The following CDK11B variants were observed in gnomAD, a reference collection of about 807,000 sequenced individuals.
The protein encoded by CDK11B is cyclin dependent kinase 11B, also known as cyclin-dependent kinase 11B.
In CDK11B, 37 loss-of-function variants were observed where a neutral mutation model predicts 84.0. The observed-to-expected ratio is 0.44, with a 90% CI of 0.34 to 0.58. CDK11B has a LOEUF of 0.58. Ranked by LOEUF, CDK11B falls within the 20% of genes least tolerant of loss-of-function variation. CDK11B has a pLI of 0.02. For synonymous variants in CDK11B, 269 were observed against 309.8 expected (o/e 0.87, Z 1.38); for missense variants, 427 against 834.0 (o/e 0.51, Z 6.01).
In CDK11B at chr1:1,652,553, C is replaced by A; in HGVS notation, c.241G>T (p.Asp81Tyr). The change falls in exon 4 of 20, where the codon GAT becomes TAT. Residue 81 changes from aspartate (D) to tyrosine (Y), a missense_variant. Transcript: ENST00000341832. ...DSMEDRGEEDDSLAIKPPQQM... is the reference protein window; with the variant it reads ...DSMEDRGEEDYSLAIKPPQQM... Reference sequence around the variant, plus strand: ...TGGGGTGGTTTGATGGCCAAAGAATCATCTTCTTCTCCTCTGAAATAAAAC... The same window carrying A: ...TGGGGTGGTTTGATGGCCAAAGAATAATCTTCTTCTCCTCTGAAATAAAAC... 6.8e-7 allele frequency: 1 copy of A among 1,473,374 alleles called. No individual in the cohort carries two copies. Among genetic ancestry groups the A allele is most frequent in the Non-Finnish European group, 8.9e-7 (1 of 1,119,240 alleles). The allele number at this position is 1,473,374 out of a possible 1,614,324, so 91.3% of individuals were successfully genotyped here.
intron 16 of CDK11B, 40 bp from the exon 17 acceptor site, chr1:1,636,838 G>T: frequency 6.2e-7 from 1 of 1,613,140 alleles, no homozygotes; most frequent in Non-Finnish European, 8.5e-7. Context: ...GCCAGTGCCC[G>T]CGAAGCTGTG....
chr1:1,656,517 A>T (rs1266447323), intron 2 of CDK11B, among the ~76,000 whole-genome samples: 1 of 150,776 alleles, frequency 6.6e-6, no homozygotes, highest in African/African-American at 2.4e-5. Flanking sequence ...CCGGGCGCGG[A>T]GGCTCATGCC....
intron 10 of CDK11B, 129 bp downstream of exon 10, chr1:1,640,919 G>A (rs574063431): frequency 5.5e-6 from 7 of 1,262,308 alleles, no homozygotes; most frequent in South Asian, 3.0e-5. Context: ...AGCCTGGAGC[G>A]GCCAACGAAT....
chr1:1,658,881 C>T (rs548688445), intron 1 of CDK11B, 33 bp downstream of exon 1: 58 of 163,368 alleles, frequency 3.6e-4, no homozygotes, highest in Admixed American at 9.7e-4. Flanking sequence ...TCTCCTCGCG[C>T]TCCCACACCT....
intron 3 of CDK11B, among the ~76,000 whole-genome samples, chr1:1,653,843 C>CAT (rs1642351141): frequency 6.7e-6 from 1 of 149,070 alleles, no homozygotes; most frequent in African/African-American, 2.5e-5. Context: ...CACACACACA[C>CAT]ACACACACAC....
Position 1,637,889 on chromosome 1 carries a change from A to G in CDK11B, c.1343-6T>C. The G allele has an allele frequency of 6.2e-7, 1 of 1,613,474 alleles. No homozygotes were observed. The highest frequency in any genetic ancestry group is 1.1e-5 in the South Asian group (1 of 91,066). On this transcript the variant is annotated splice_region_variant and splice_polypyrimidine_tract_variant and intron_variant, in intron 12 of 19. Coordinates refer to ENST00000341832, the MANE Select transcript of CDK11B (RefSeq NM_033486.3). ...CTTTAGAGCCACAATTTCATCTGTG[A>G]AGAAAATACAGACGGCACTGAGAGG...
rs17424311 is a variant in CDK11B, at chr1:1,636,691, C to G, written c.1908G>C (p.Lys636Asn). 1 of 1,613,766 alleles carries G rather than the reference C, an allele frequency of 6.2e-7. No homozygotes were observed. The highest frequency in any genetic ancestry group is 8.5e-7 in the Non-Finnish European group (1 of 1,179,700). Residue 636 changes from lysine (K) to asparagine (N), a missense_variant, in exon 17 of 20, where the codon AAG (lysine) becomes AAC (asparagine). By Grantham distance (94) the Lys-to-Asn change is moderately conservative. Transcript: ENST00000341832. ...PGKSEIDQIN[K>N]VFKDLGTPSE... ...GCAGGGCCAGACCCACCTTGAACAC[C>G]TTGTTGATCTGATCGATTTCTGACT...
In CDK11B at chr1:1,635,547, C is replaced by T. The variant is rs1285215732; in HGVS notation, c.*217G>A. 2.8e-4 allele frequency: 138 copies of T among 495,226 alleles called. 31 individuals are homozygous for T. The highest frequency in any genetic ancestry group is 4.9e-4 in the African/African-American group (16 of 32,622). 30.7% of individuals were successfully genotyped at this position (495,226 alleles called of 1,614,324 possible). ...CCACGTGGGCACCCGAAGATGTCCA[C>T]CCTCTCCGCCCTGGGCAAGTCACGG... On this transcript the variant is annotated 3_prime_UTR_variant, in exon 20 of 20. Transcript: ENST00000341832.
Position 1,650,567 on chromosome 1 carries a change from A to G in CDK11B, c.356-930T>C, listed in dbSNP as rs1234600542. ...TTTTTAGTAGAGACGGGGTTCCACC[A>G]TGTTAGCCAGGATGGTCTTGATGTT... On this transcript the variant is annotated intron_variant, in intron 4 of 19. Transcript: ENST00000341832. 5.5e-4 allele frequency among the ~76,000 whole-genome samples: 83 copies of G among 149,562 alleles called. 1 individual carries two copies. Among genetic ancestry groups the G allele is most frequent in the Middle Eastern group, 7.1e-3 (2 of 282 alleles).
At chr1:1,653,493 G>A (rs1642284150) in intron 3 of CDK11B, among the ~76,000 whole-genome samples, 1 of 151,158 alleles carries the variant, frequency 6.6e-6, no homozygotes. Context: ...GCTAATTTTT[G>A]TATTTGTAGT....
chr1:1,635,318 G>C lies in CDK11B; in HGVS notation c.*446C>G. 1 of 68,892 alleles carries C rather than the reference G, an allele frequency of 1.5e-5. No individual in the cohort carries two copies. The highest frequency in any genetic ancestry group is 2.6e-5 in the Non-Finnish European group (1 of 37,818). 4.3% of individuals were successfully genotyped at this position (68,892 alleles called of 1,614,324 possible). On this transcript the variant is annotated 3_prime_UTR_variant, in exon 20 of 20. Coordinates refer to ENST00000341832, the MANE Select transcript of CDK11B (RefSeq NM_033486.3). Reference sequence around the variant, plus strand: ...CTGGCACAGCTGGGGCTGGGGGTTGGGGGCCGGGGGCCTGTGTGGACAGGG... The same window carrying C: ...CTGGCACAGCTGGGGCTGGGGGTTGCGGGCCGGGGGCCTGTGTGGACAGGG...
At chr1:1,654,656 T>A (rs1194906504) in intron 3 of CDK11B, among the ~76,000 whole-genome samples, 2 of 129,494 alleles carry the variant, frequency 1.5e-5, no homozygotes, top group Non-Finnish European at 3.6e-5. Flanking sequence ...CAAAATCTTT[T>A]TTTTCCTTTT....
chr1:1,649,318 G>C (rs1389749951), intron 5 of CDK11B, among the ~76,000 whole-genome samples, 181 bp downstream of exon 5: 1 of 151,742 alleles, frequency 6.6e-6, no homozygotes, highest in Non-Finnish European at 1.5e-5. Context: ...AGCCAGGATG[G>C]TCTCCATCTC....
rs768289265 is a variant in CDK11B, at chr1:1,637,039, C to T, written c.1693-35G>A. 29 of 1,612,602 alleles carry T rather than the reference C, an allele frequency of 1.8e-5. No homozygotes were observed. The East Asian group carries it at 2.5e-4, about 14-fold the overall frequency. On this transcript the variant is annotated intron_variant, in intron 15 of 19. Transcript: ENST00000341832. ...CAGATGGGCGGCTGTGAGTGGGCCCCGGCAGGTCTCCCTGGGATGGGCCAC... is the reference window on the plus strand; with the variant it reads ...CAGATGGGCGGCTGTGAGTGGGCCCTGGCAGGTCTCCCTGGGATGGGCCAC...
rs1262492238 is a variant in CDK11B, at chr1:1,652,645, C to G, written c.228-79G>C. 1.4e-5 allele frequency: 16 copies of G among 1,114,840 alleles called. No individual in the cohort carries two copies. In the East Asian group the frequency reaches 4.6e-4, roughly 32 times the overall value. 69.1% of individuals were successfully genotyped at this position (1,114,840 alleles called of 1,614,324 possible). A position where few individuals can be genotyped will look rare whatever the true frequency, so the allele number is the denominator to read the frequency against. On this transcript the variant is annotated intron_variant, in intron 3 of 19. Transcript: ENST00000341832. ...TCAGGCTATTATAAGGTTTCTTCAA[C>G]CCAGAAAAATGCATGATTCAGACAG...
chr1:1,650,513 C>A (rs1413889642), intron 4 of CDK11B, among the ~76,000 whole-genome samples: 1 of 150,726 alleles, frequency 6.6e-6, no homozygotes, highest in Admixed American at 6.6e-5. Context: ...CTACAGGCGC[C>A]TGCCACCACG....
rs17434073 is a variant in CDK11B, at chr1:1,637,774, G to A, written c.1452C>T (p.Ile484=). 1,429 of 1,610,690 alleles carry A rather than the reference G, an allele frequency of 8.9e-4. 9 individuals carry two copies. The highest frequency in any genetic ancestry group is 3.1e-3 in the East Asian group (137 of 44,796). ...NTILKAQHPN[I]VTVREIVVGS... is the part of the protein sequence containing the mutation. ...GGGCCATGCTCACTCTAACGGTGAC[G>A]ATGTTGGGATGCTGGGCCTTGAGGA... is the stretch of plus-strand genomic sequence containing the variant. Residue 484 remains isoleucine, a synonymous_variant, in exon 13 of 20, where the codon ATC becomes ATT. Coordinates refer to ENST00000341832, the MANE Select transcript of CDK11B (RefSeq NM_033486.3).
At chr1:1,652,079 C>T (rs1282808545) in intron 4 of CDK11B, among the ~76,000 whole-genome samples, 2 of 147,832 alleles carry the variant, frequency 1.4e-5, no homozygotes, top group African/African-American at 5.0e-5. Context: ...CTCTCATAGC[C>T]CTTCTGAACG....
chr1:1,647,909 C>T (rs1274874703), intron 5 of CDK11B, among the ~76,000 whole-genome samples: 5 of 152,234 alleles, frequency 3.3e-5, no homozygotes, highest in Non-Finnish European at 5.9e-5. Context: ...GTGGAACCTC[C>T]GTGCTTCCCA....
Sources: allele counts gnomAD v4.1 joint callset (sites outside exome capture counted in the v4.1 genomes callset), GRCh38; gene constraint gnomAD v4.1.1; transcripts MANE v1.5; gene names NCBI Gene and HGNC (gene_info 2026-07-23, HGNC 2026-07-21).